NVL: variants seen among roughly 807,000 people sequenced by gnomAD.
NVL encodes the protein nuclear valosin-containing protein-like.
Under a neutral mutation model 110.2 loss-of-function variants are expected in NVL, and 84 were observed. The observed-to-expected ratio is 0.76, with a 90% CI of 0.64 to 0.91. NVL has a LOEUF of 0.91. Among genes scored for constraint, NVL ranks in the 40% least tolerant of loss-of-function variants. NVL has a pLI of 0.00. For synonymous variants in NVL, 354 were observed against 361.1 expected (o/e 0.98, Z 0.22); for missense variants, 882 against 1,035.9 (o/e 0.85, Z 2.04).
At position 224,295,676 on chromosome 1, in the gene NVL, C is replaced by T. The variant is rs1055744160; in HGVS notation, c.1180+825G>A. 7.3e-5 allele frequency among the ~76,000 whole-genome samples: 11 copies of T among 150,730 alleles called. No individual in the cohort carries two copies. The South Asian group carries it at 8.4e-4, about 11-fold the overall frequency. ...ATCAGCCTGGGCAACATAGTGAGAC[C>T]GTCTTTAAAAAAAAAAAACACCCAG... On this transcript the variant is annotated intron_variant, in intron 11 of 22. Coordinates refer to ENST00000281701, the MANE Select transcript of NVL (RefSeq NM_002533.4).
chr1:224,328,738 C>T (rs569095134), intron 1 of NVL, among the ~76,000 whole-genome samples: 8 of 151,998 alleles, frequency 5.3e-5, no homozygotes, highest in Non-Finnish European at 1.0e-4. Context: ...ACAGGACGAA[C>T]GGTAGTATCA....
At chr1:224,289,820 C>A in intron 12 of NVL, 87 bp from the exon 13 acceptor site, 1 of 1,323,518 alleles carries the variant, frequency 7.6e-7, no homozygotes, top group Non-Finnish European at 1.0e-6. Context: ...AAGTCCTTCA[C>A]GTCTGCCAAA....
chr1:224,261,671 GC>G (rs906413574), intron 18 of NVL, among the ~76,000 whole-genome samples: 27 of 152,194 alleles, frequency 1.8e-4, no homozygotes, highest in African/African-American at 6.0e-4. Context: ...GAGGGCTAGG[GC>G]TATGCACGGT....
intron 17 of NVL, among the ~76,000 whole-genome samples, chr1:224,272,521 C>G (rs559542643): frequency 6.6e-6 from 1 of 151,222 alleles, no homozygotes; most frequent in African/African-American, 2.4e-5. Context: ...AGTTCAAGAC[C>G]AGCCTGGCCA....
intron 18 of NVL, among the ~76,000 whole-genome samples, chr1:224,256,306 T>C (rs1003152264): frequency 6.6e-6 from 1 of 151,348 alleles, no homozygotes; most frequent in African/African-American, 2.4e-5. Flanking sequence ...ATGCCTGCAA[T>C]CCCAGCTACT....
rs111620158 is a variant in NVL, at chr1:224,302,282, G to A, written c.960+1441C>T. ...CAATGGCATGATCTTGGCTCACCGC[G>A]ACCTCCGCCTCCAGGTTCAAGTGAT... On this transcript the variant is annotated intron_variant, in intron 9 of 22. Transcript: ENST00000281701. Among the ~76,000 whole-genome samples, 937 of 151,800 alleles carry A rather than the reference G, an allele frequency of 6.2e-3. 8 individuals are homozygous for A. The highest frequency in any genetic ancestry group is 0.021 in the African/African-American group (882 of 41,384).
intron 5 of NVL, 109 bp from the exon 6 acceptor site, chr1:224,308,372 C>A (rs1669142444): frequency 1.1e-6 from 1 of 938,372 alleles, no homozygotes; most frequent in Non-Finnish European, 1.6e-6. Context: ...TTAACAACTT[C>A]TCTCAGAACA....
Position 224,299,362 on chromosome 1 carries a change from C to A in NVL, c.1062+1200G>T, listed in dbSNP as rs1571995316. Reference sequence around the variant, plus strand: ...TCATCAGAATGTGGCCTAAAGAAAGCATAGTTTTCAACCAAGTATCACTTG... The same window carrying A: ...TCATCAGAATGTGGCCTAAAGAAAGAATAGTTTTCAACCAAGTATCACTTG... On this transcript the variant is annotated intron_variant, in intron 10 of 22. Transcript: ENST00000281701. 3.9e-5 allele frequency among the ~76,000 whole-genome samples: 6 copies of A among 152,292 alleles called. 1 individual carries two copies. The highest frequency in any genetic ancestry group is 3.9e-4 in the Admixed American group (6 of 15,298).
chr1:224,301,617 C>A, intron 9 of NVL: 1 of 290,444 alleles, frequency 3.4e-6, no homozygotes, highest in Non-Finnish European at 6.8e-6. Flanking sequence ...GCCTGGGCAA[C>A]ACAGTGAGAC....
At chr1:224,322,720 G>A (rs1377620049) in intron 2 of NVL, among the ~76,000 whole-genome samples, 1 of 152,188 alleles carries the variant, frequency 6.6e-6, no homozygotes, top group Non-Finnish European at 1.5e-5. Flanking sequence ...TTGGGAGAAT[G>A]AGGCGGGCAG....
At chr1:224,284,567 A>T (rs1184368326) in intron 15 of NVL, among the ~76,000 whole-genome samples, 1 of 152,066 alleles carries the variant, frequency 6.6e-6, no homozygotes, top group African/African-American at 2.4e-5. Flanking sequence ...TTTAGTAGAG[A>T]CAGGGTTTTA....
chr1:224,304,750 C>A lies in NVL; in HGVS notation c.811G>T (p.Asp271Tyr). Reference sequence around the variant, plus strand: ...TTTGCACTAACTTTTAATGTCATATCATTGCCTCCCACATCTTCAAACTTC... The same window carrying A: ...TTTGCACTAACTTTTAATGTCATATAATTGCCTCCCACATCTTCAAACTTC... ...NVKFEDVGGN[D>Y]MTLKEVCKML... The change falls in exon 8 of 23, where the codon GAT becomes TAT. Residue 271 changes from aspartate to tyrosine, a missense_variant. Asp to Tyr is a radical substitution (Grantham distance 160). Transcript: ENST00000281701. 6.2e-7 allele frequency: 1 copy of A among 1,613,750 alleles called. No homozygotes were observed. Among genetic ancestry groups the A allele is most frequent in the Non-Finnish European group, 8.5e-7 (1 of 1,179,742 alleles).
At chr1:224,309,193 G>A (rs1351074968) in intron 5 of NVL, among the ~76,000 whole-genome samples, 1 of 152,098 alleles carries the variant, frequency 6.6e-6, no homozygotes, top group Non-Finnish European at 1.5e-5. Context: ...AAATGAGCTG[G>A]TTGCCAATGA....
chr1:224,247,485 G>A (rs996014586), intron 19 of NVL, among the ~76,000 whole-genome samples: 3 of 151,788 alleles, frequency 2.0e-5, no homozygotes, highest in Non-Finnish European at 4.4e-5. Flanking sequence ...CCTGGCCAAC[G>A]TGGTGAAACC....
At chr1:224,310,742 C>T (rs1022110720) in intron 5 of NVL, among the ~76,000 whole-genome samples, 1 of 150,844 alleles carries the variant, frequency 6.6e-6, no homozygotes, top group Non-Finnish European at 1.5e-5. Context: ...TCTCCTCTCT[C>T]TCTCTCTCTT....
At chr1:224,292,086 A>G (rs757332049) in intron 12 of NVL, among the ~76,000 whole-genome samples, 7 of 152,202 alleles carry the variant, frequency 4.6e-5, no homozygotes, top group Non-Finnish European at 7.3e-5. Flanking sequence ...TTTTACACCA[A>G]TAGAAACTGG....
intron 14 of NVL, 89 bp downstream of exon 14, chr1:224,287,686 G>A: frequency 4.8e-6 from 5 of 1,037,440 alleles, no homozygotes; most frequent in Non-Finnish European, 7.2e-6. Flanking sequence ...AGTCAGTTTA[G>A]CCACAGAACC....
At chr1:224,314,262 AG>A (rs1171551075) in intron 4 of NVL, among the ~76,000 whole-genome samples, 1 of 152,244 alleles carries the variant, frequency 6.6e-6, no homozygotes, top group East Asian at 1.9e-4. Flanking sequence ...TATGCAGTAA[AG>A]CAGTAAAGAG....
At chr1:224,295,825 G>T (rs1034936832) in intron 11 of NVL, among the ~76,000 whole-genome samples, 1 of 151,844 alleles carries the variant, frequency 6.6e-6, no homozygotes, top group South Asian at 2.1e-4. Context: ...AATCAGCCAG[G>T]TGTGGTGGCA....
Sources: allele counts gnomAD v4.1 joint callset (sites outside exome capture counted in the v4.1 genomes callset), GRCh38; gene constraint gnomAD v4.1.1; transcripts MANE v1.5; gene names NCBI Gene and HGNC (gene_info 2026-07-23, HGNC 2026-07-21).